The following RNF19A variants were observed in gnomAD, a reference collection of about 807,000 sequenced individuals.
RNF19A encodes the protein ring finger protein 19A, RBR E3 ubiquitin protein ligase, also known as E3 ubiquitin-protein ligase RNF19A.
In RNF19A, 32 loss-of-function variants were observed where a neutral mutation model predicts 75.7. The observed-to-expected ratio is 0.42, with a 90% CI of 0.32 to 0.57. The LOEUF is 0.57. RNF19A is among the 20% of genes least tolerant of loss of function. The pLI, the probability that RNF19A is intolerant of heterozygous loss-of-function variation, is 0.10. For synonymous variants in RNF19A, 335 were observed against 345.2 expected, an observed-to-expected ratio of 0.97 and a Z score of 0.33; for missense variants, 782 against 1,036.3, an observed-to-expected ratio of 0.75 and a Z score of 3.37.
rs2130359466 is a variant in RNF19A at position 100,322,452 on chromosome 8, T to TG, written c.-242-9081dup. ...ATTGAAGGGAGTTAGGGCCTTGCCC[T>TG]GGATTAGGCTTTGGCTTAAGGTTTA... On this transcript the variant is annotated intron_variant, in intron 1 of 3. Transcript: ENST00000519527. This position sits in a 1 kb window ranked among gnomAD's most constrained non-coding sequence, Gnocchi z 5.1. 6.6e-6 allele frequency among the ~76,000 whole-genome samples: 1 copy of TG among 152,392 alleles called. No homozygotes were observed. Among genetic ancestry groups the TG allele is most frequent in the South Asian group, 2.1e-4 (1 of 4,832 alleles).
At chr8:100,307,754 T>C (rs372308286) in intron 1 of RNF19A, among the ~76,000 whole-genome samples, 3 of 152,324 alleles carry the variant, frequency 2.0e-5, no homozygotes, top group Non-Finnish European at 2.9e-5. Context: ...CATACTGCTT[T>C]ACGACTTCAC....
chr8:100,306,819 C>T (rs1822079962), intron 1 of RNF19A, among the ~76,000 whole-genome samples: 1 of 152,046 alleles, frequency 6.6e-6, no homozygotes, highest in Non-Finnish European at 1.5e-5. Flanking sequence ...TAACAGAGAA[C>T]TGGCATGGCT....
At position 100,259,956 on chromosome 8, in the gene RNF19A, A is replaced by C; in HGVS notation, c.1724T>G (p.Leu575Arg). 6.2e-7 allele frequency: 1 copy of C among 1,614,000 alleles called. No individual in the cohort carries two copies. Among genetic ancestry groups the C allele is most frequent in the Non-Finnish European group, 8.5e-7 (1 of 1,179,920 alleles). ...GCTGACTGTGCCAGATTCTCCACTT[A>C]GACTGTACCGTTCTTTCTGTACATC... is the stretch of plus-strand genomic sequence containing the variant. ...QADVQKERYS[L>R]SGESGTVSLG... Residue 575 changes from leucine to arginine, a missense_variant, in exon 9 of 10, where the codon CTA (leucine) becomes CGA (arginine). Around this residue, in one of 7 missense-constraint regions of RNF19A, gnomAD observed 442 missense variants for 541.6 expected, o/e 0.82. Transcript: ENST00000341084. This position sits in a 1 kb window ranked among gnomAD's most constrained non-coding sequence, Gnocchi z 4.5.
Position 100,264,859 on chromosome 8 carries a change from T to TA in RNF19A, c.1192-75dup. On this transcript the variant is annotated intron_variant, in intron 5 of 9. Transcript: ENST00000341084. This position sits in a 1 kb window ranked among gnomAD's most constrained non-coding sequence, Gnocchi z 4.7. ...CAATTTAACTTAGTTGAAAAAGATC[T>TA]ATACTTGCTAAAGTGATTTTTCATA... The TA allele has an allele frequency of 8.9e-7, 1 of 1,121,052 alleles. No homozygotes were observed. The highest frequency in any genetic ancestry group is 1.3e-6 in the Non-Finnish European group (1 of 747,082). 69.4% of individuals were successfully genotyped at this position (1,121,052 alleles called of 1,614,324 possible). A position where few individuals can be genotyped will look rare whatever the true frequency, so the allele number is the denominator to read the frequency against.
At position 100,264,896 on chromosome 8, in the gene RNF19A, C is replaced by G. The variant is rs771282649; in HGVS notation, c.1192-111G>C. ...AGTGATTTTTCATAGAAGTTCGTAG[C>G]TGAGTATCTTAGTTCAAGGTAAACC... On this transcript the variant is annotated intron_variant, in intron 5 of 9. Transcript: ENST00000341084. The surrounding 1 kb of genome is among the most constrained non-coding windows in gnomAD (Gnocchi z 4.7). 3 of 766,536 alleles carry G rather than the reference C, an allele frequency of 3.9e-6. No homozygotes were observed. Among genetic ancestry groups the G allele is most frequent in the Non-Finnish European group, 6.6e-6 (3 of 456,492 alleles). The allele number at this position is 766,536 out of a possible 1,614,324, so 47.5% of individuals were successfully genotyped here. A position where few individuals can be genotyped will look rare whatever the true frequency, so the allele number is the denominator to read the frequency against.
rs1819737171 is a variant in RNF19A at position 100,261,903 on chromosome 8, G to A, written c.1469-148C>T. On this transcript the variant is annotated intron_variant, in intron 7 of 9. Transcript: ENST00000341084. The surrounding 1 kb of genome is among the most constrained non-coding windows in gnomAD (Gnocchi z 4.4). ...ATATTTTTTTCAGGCTAGTCCACTA[G>A]AAGCAGTGGGAATAGAGCCAACAAT... 1 of 772,374 alleles carries A rather than the reference G, an allele frequency of 1.3e-6. No homozygotes were observed. The highest frequency in any genetic ancestry group is 1.8e-5 in the African/African-American group (1 of 56,964). 47.8% of individuals were successfully genotyped at this position (772,374 alleles called of 1,614,324 possible).
chr8:100,306,454 A>C (rs561014323), intron 1 of RNF19A, among the ~76,000 whole-genome samples: 1 of 152,244 alleles, frequency 6.6e-6, no homozygotes, highest in Non-Finnish European at 1.5e-5. Context: ...ATAAGACTAC[A>C]TAATGGTTTT....
intron 1 of RNF19A, among the ~76,000 whole-genome samples, chr8:100,316,374 C>G (rs567823869): frequency 2.0e-5 from 3 of 152,106 alleles, no homozygotes; most frequent in Non-Finnish European, 4.4e-5. Context: ...ACTGCTGTCC[C>G]GGGCAGCCTG....
At chr8:100,280,249 T>C (rs959974293) in intron 2 of RNF19A, among the ~76,000 whole-genome samples, 2 of 152,216 alleles carry the variant, frequency 1.3e-5, no homozygotes, top group East Asian at 3.8e-4. Flanking sequence ...ATGACGGAGA[T>C]ACCTGACTTT....
chr8:100,280,604 G>C (rs1204580359), intron 2 of RNF19A, among the ~76,000 whole-genome samples: 1 of 152,116 alleles, frequency 6.6e-6, no homozygotes, highest in Non-Finnish European at 1.5e-5. Flanking sequence ...TAATAATACT[G>C]ACCAAATGTT....
upstream of RNF19A, chr8:100,310,231 G>C: frequency 2.0e-6 from 2 of 985,148 alleles, no homozygotes; most frequent in Non-Finnish European, 2.4e-6. Context: ...GGCCCGCTGC[G>C]GGCGGCTCTG....
At position 100,322,916 on chromosome 8, in the gene RNF19A, A is replaced by G. The variant is rs908663938; in HGVS notation, c.-242-9544T>C. ...CATGGCACTTCAAAACAATTGCAATATTAACATCAAAGATCACTGATTACA... is the reference window on the plus strand; with the variant it reads ...CATGGCACTTCAAAACAATTGCAATGTTAACATCAAAGATCACTGATTACA... On this transcript the variant is annotated intron_variant, in intron 1 of 3. Transcript: ENST00000519527. The surrounding 1 kb of genome is among the most constrained non-coding windows in gnomAD (Gnocchi z 5.1). Among the ~76,000 whole-genome samples, 1 of 152,234 alleles carries G rather than the reference A, an allele frequency of 6.6e-6. No homozygotes were observed. The highest frequency in any genetic ancestry group is 2.4e-5 in the African/African-American group (1 of 41,466).
intron 2 of RNF19A, among the ~76,000 whole-genome samples, chr8:100,281,059 T>C (rs1343674212): frequency 6.6e-6 from 1 of 152,196 alleles, no homozygotes; most frequent in Non-Finnish European, 1.5e-5. Flanking sequence ...CCCCAGACCT[T>C]AGTTTAGTGG....
chr8:100,275,286 A>G lies in RNF19A; in HGVS notation c.675-125T>C, dbSNP rs1458233548. ...TATTTATACATTAGCAAACAGTCAT[A>G]AGCACAATCTCACCAATATAAAAAT... On this transcript the variant is annotated intron_variant, in intron 2 of 9. Transcript: ENST00000341084. The surrounding 1 kb of genome is among the most constrained non-coding windows in gnomAD (Gnocchi z 4.3). 3 of 711,980 alleles carry G rather than the reference A, an allele frequency of 4.2e-6. No individual in the cohort carries two copies. Among genetic ancestry groups the G allele is most frequent in the Admixed American group, 2.7e-5 (1 of 36,392 alleles). 44.1% of individuals were successfully genotyped at this position (711,980 alleles called of 1,614,324 possible).
intron 1 of RNF19A, 72 bp from the exon 2 acceptor site, chr8:100,288,339 A>G: frequency 9.5e-7 from 1 of 1,050,452 alleles, no homozygotes; most frequent in Non-Finnish European, 1.3e-6. Context: ...TATAAATATG[A>G]AATTTCAAAC....
Position 100,264,005 on chromosome 8 carries a change from C to A in RNF19A, c.1468+29G>T. 4 of 1,596,026 alleles carry A rather than the reference C, an allele frequency of 2.5e-6. No individual in the cohort carries two copies. The South Asian group carries it at 3.4e-5, about 13-fold the overall frequency. Reference sequence around the variant, plus strand: ...CCACTACTTACACTGTTAATAAGCACATTTTCTTCCTTTGCTTAAAGGACT... The same window carrying A: ...CCACTACTTACACTGTTAATAAGCAAATTTTCTTCCTTTGCTTAAAGGACT... On this transcript the variant is annotated intron_variant, in intron 7 of 9. Transcript: ENST00000341084. The surrounding 1 kb of genome is among the most constrained non-coding windows in gnomAD (Gnocchi z 4.7).
intron 1 of RNF19A, among the ~76,000 whole-genome samples, chr8:100,292,355 G>A (rs1821337795): frequency 6.6e-6 from 1 of 150,856 alleles, no homozygotes; most frequent in African/African-American, 2.5e-5. Context: ...CTAGGCACAT[G>A]TTTATATCCT....
intron 1 of RNF19A, among the ~76,000 whole-genome samples, chr8:100,300,300 G>A (rs1025115107): frequency 1.3e-5 from 2 of 152,158 alleles, no homozygotes; most frequent in Admixed American, 6.5e-5. Flanking sequence ...TTACACAGCA[G>A]GTAAACAATC....
chr8:100,321,024 G>T (rs1660317), intron 1 of RNF19A, among the ~76,000 whole-genome samples: 49,194 of 152,082 alleles, frequency 0.32, 8,631 homozygotes, highest in East Asian at 0.41. Flanking sequence ...CTTTTTGCTG[G>T]TGGAGAGTCT....
Sources: allele counts gnomAD v4.1 joint callset (sites outside exome capture counted in the v4.1 genomes callset), GRCh38; gene constraint gnomAD v4.1.1; regional missense constraint gnomAD v4.1.1; non-coding constraint Gnocchi (gnomAD v3.1); transcripts MANE v1.5; gene names NCBI Gene and HGNC (gene_info 2026-07-23, HGNC 2026-07-21).